The following VWA3B variants were observed in gnomAD, a reference collection of about 807,000 sequenced individuals.
VWA3B encodes von Willebrand factor A domain-containing protein 3B.
VWA3B carries 138 observed loss-of-function variants against 158.3 expected under a neutral mutation model. The observed-to-expected ratio is 0.87, with a 90% CI of 0.76 to 1.00. The LOEUF is 1.00. VWA3B is among the 50% of genes least tolerant of loss of function. VWA3B has a pLI of 0.00. For synonymous variants in VWA3B, 596 were observed against 587.3 expected, an observed-to-expected ratio of 1.01 and a Z score of -0.21; for missense variants, 1,555 against 1,565.1, an observed-to-expected ratio of 0.99 and a Z score of 0.11.
intron 26 of VWA3B, 113 bp from the exon 27 acceptor site, chr2:98,311,705 TG>T: frequency 1.6e-6 from 2 of 1,252,938 alleles, no homozygotes; most frequent in Non-Finnish European, 2.2e-6. Context: ...CTCCTTTCCA[TG>T]GGAAGAGGGA....
chr2:98,273,511 C>T (rs1311297171), intron 22 of VWA3B, among the ~76,000 whole-genome samples: 2 of 152,208 alleles, frequency 1.3e-5, no homozygotes, highest in South Asian at 2.1e-4. Flanking sequence ...TTACCTTCCT[C>T]GCCTGCATGC....
chr2:98,162,724 G>A, intron 7 of VWA3B, 127 bp from the exon 8 acceptor site: 1 of 1,314,394 alleles, frequency 7.6e-7, no homozygotes, highest in South Asian at 1.5e-5. Flanking sequence ...AGATTAGTGG[G>A]GGAAGCGGAA....
At chr2:98,089,449 A>G (rs1329940461) in intron 1 of VWA3B, among the ~76,000 whole-genome samples, 1 of 151,744 alleles carries the variant, frequency 6.6e-6, no homozygotes, top group Non-Finnish European at 1.5e-5. Flanking sequence ...CTTGCAGGCT[A>G]AGAGTCTGCA....
At chr2:98,272,592 C>G (rs1558749720) in intron 22 of VWA3B, among the ~76,000 whole-genome samples, 1 of 152,180 alleles carries the variant, frequency 6.6e-6, no homozygotes, top group East Asian at 1.9e-4. Flanking sequence ...AAAGTCTTAA[C>G]TCTCTAATCC....
intron 12 of VWA3B, among the ~76,000 whole-genome samples, chr2:98,205,415 T>C (rs1056976243): frequency 7.2e-5 from 11 of 152,184 alleles, no homozygotes; most frequent in Non-Finnish European, 1.3e-4. Flanking sequence ...ATGTGTCTTT[T>C]TACCTTGCAA....
At chr2:98,230,241 G>C (rs1685241995) in intron 16 of VWA3B, 34 bp downstream of exon 16, 2 of 1,497,274 alleles carry the variant, frequency 1.3e-6, no homozygotes, top group African/African-American at 2.8e-5. Context: ...ACTCTTTGCT[G>C]GTTTCTCTTC....
In VWA3B at chr2:98,295,184, C is replaced by T. The variant is rs145824519; in HGVS notation, c.3158-2723C>T. 6.1e-3 allele frequency among the ~76,000 whole-genome samples: 926 copies of T among 151,946 alleles called. 5 individuals are homozygous for T. Among genetic ancestry groups the T allele is most frequent in the Admixed American group, 1.0e-2 (152 of 15,276 alleles). ...ACGAGGACTGTGAAGGATGACACTGCCGAGGAGTGGGCAGCTGGAGGGATG... is the reference window on the plus strand; with the variant it reads ...ACGAGGACTGTGAAGGATGACACTGTCGAGGAGTGGGCAGCTGGAGGGATG... On this transcript the variant is annotated intron_variant, in intron 23 of 27. Coordinates refer to ENST00000477737, the MANE Select transcript of VWA3B (RefSeq NM_144992.5).
chr2:98,111,194 GT>G (rs1674107609), intron 2 of VWA3B, among the ~76,000 whole-genome samples: 1 of 152,228 alleles, frequency 6.6e-6, no homozygotes, highest in East Asian at 1.9e-4. Flanking sequence ...AGAAGATGTA[GT>G]TTTTCACTTT....
intron 2 of VWA3B, among the ~76,000 whole-genome samples, chr2:98,114,346 T>G (rs1470589446): frequency 6.6e-6 from 1 of 152,236 alleles, no homozygotes; most frequent in Non-Finnish European, 1.5e-5. Context: ...GCTAAGAAGG[T>G]GAAATATTGG....
At chr2:98,104,767 T>G (rs1683320052) in intron 2 of VWA3B, among the ~76,000 whole-genome samples, 1 of 152,204 alleles carries the variant, frequency 6.6e-6, no homozygotes, top group Non-Finnish European at 1.5e-5. Flanking sequence ...TAAATGAATA[T>G]TTTTTAGTGT....
intron 19 of VWA3B, among the ~76,000 whole-genome samples, chr2:98,247,517 TTATATC>T (rs1357579615): frequency 1.3e-5 from 2 of 152,184 alleles, no homozygotes; most frequent in African/African-American, 4.8e-5. Context: ...GTATATCTCT[TTATATC>T]TAAAAAGCAT....
intron 9 of VWA3B, among the ~76,000 whole-genome samples, 155 bp downstream of exon 9, chr2:98,181,367 A>G (rs1356211591): frequency 6.6e-6 from 1 of 152,022 alleles, no homozygotes; most frequent in Non-Finnish European, 1.5e-5. Context: ...TTCCCTCCTC[A>G]CCCTTCTCCA....
At chr2:98,275,063 C>G (rs1015763799) in intron 22 of VWA3B, among the ~76,000 whole-genome samples, 3 of 152,202 alleles carry the variant, frequency 2.0e-5, no homozygotes, top group Non-Finnish European at 2.9e-5. Flanking sequence ...TTTTGCAGCA[C>G]ACTTCACTAC....
intron 7 of VWA3B, among the ~76,000 whole-genome samples, chr2:98,134,386 A>AG (rs551463150): frequency 6.6e-4 from 100 of 152,342 alleles, no homozygotes; most frequent in Non-Finnish European, 1.3e-3. Flanking sequence ...GAGGCCGCAC[A>AG]GGAACCTTTA....
chr2:98,246,136 A>G (rs1686379235), intron 19 of VWA3B, among the ~76,000 whole-genome samples: 1 of 152,130 alleles, frequency 6.6e-6, no homozygotes, highest in Non-Finnish European at 1.5e-5. Context: ...AAAATGAAAC[A>G]ATACAGTAAA....
intron 22 of VWA3B, among the ~76,000 whole-genome samples, chr2:98,282,569 T>C (rs112809937): frequency 0.039 from 5,909 of 151,688 alleles, 166 homozygotes; most frequent in Middle Eastern, 0.075. Flanking sequence ...CCTGAGTAGC[T>C]GGGATTACAG....
At chr2:98,112,315 T>G (rs1359659158) in intron 2 of VWA3B, among the ~76,000 whole-genome samples, 1 of 151,900 alleles carries the variant, frequency 6.6e-6, no homozygotes, top group Admixed American at 6.6e-5. Flanking sequence ...TGTGTGTGTG[T>G]GTGTGTGTGT....
rs77825266 is a variant in VWA3B, at chr2:98,101,308, T to C, written c.196+8020T>C. On this transcript the variant is annotated intron_variant, in intron 2 of 27. Transcript: ENST00000477737. ...TATACAACGTATATATACTTTTGCA[T>C]GATGTATTGTTGGGATGCCATTGAA... Among the ~76,000 whole-genome samples the C allele has an allele frequency of 5.0e-3, 769 of 152,306 alleles. 15 individuals are homozygous for C. The East Asian group carries it at 0.087, about 17-fold the overall frequency.
In VWA3B at chr2:98,228,341, C is replaced by T. The variant is rs775174543; in HGVS notation, c.2150+9C>T. The T allele has an allele frequency of 6.8e-6, 11 of 1,607,632 alleles. No individual in the cohort carries two copies. The South Asian group carries it at 7.8e-5, about 11-fold the overall frequency. On this transcript the variant is annotated intron_variant, in intron 15 of 27. Coordinates refer to ENST00000477737, the MANE Select transcript of VWA3B (RefSeq NM_144992.5). ...AAGGATGGAGACAGCAAGTGAGCAC[C>T]TCTGCCCGCCTGTCTCCCTGCGCTG...
Sources: allele counts gnomAD v4.1 joint callset (sites outside exome capture counted in the v4.1 genomes callset), GRCh38; gene constraint gnomAD v4.1.1; transcripts MANE v1.5; gene names NCBI Gene and HGNC (gene_info 2026-07-23, HGNC 2026-07-21).